Variants in ANAPC1 observed in about 807,000 individuals in gnomAD.
ANAPC1 encodes the protein anaphase-promoting complex subunit 1.
A neutral mutation model predicts 208.0 loss-of-function variants in ANAPC1; 36 were observed. The observed-to-expected ratio is 0.17, with a 90% CI of 0.13 to 0.23. The LOEUF is 0.23. Among genes scored for constraint, ANAPC1 ranks in the 10% least tolerant of loss-of-function variants. ANAPC1 has a pLI of 1.00. For synonymous variants in ANAPC1, 378 were observed against 695.2 expected (o/e 0.54, Z 7.18); for missense variants, 942 against 2,011.6 (o/e 0.47, Z 10.17).
chr2:111,865,379 ACAGTAC>A (rs550927895), intron 7 of ANAPC1, among the ~76,000 whole-genome samples: 127 of 152,258 alleles, frequency 8.3e-4, no homozygotes, highest in Admixed American at 3.6e-3. Flanking sequence ...ACAGTGCCGA[ACAGTAC>A]ACTGTTGTTT....
At position 111,807,703 on chromosome 2, in the gene ANAPC1, A is replaced by AAT. The variant is rs1553419291; in HGVS notation, c.3832+1243_3832+1244insAT. Among the ~76,000 whole-genome samples, 6 of 143,162 alleles carry AAT rather than the reference A, an allele frequency of 4.2e-5. No homozygotes were observed. The South Asian group carries it at 6.8e-4, about 16-fold the overall frequency. 93.9% of individuals were successfully genotyped at this position (143,162 alleles called of 152,430 possible). ...CAAGACTCTCTCAAAAAAAAAAAAA[A>AAT]TTTTTAATGTACATTCTGACAGTAA... On this transcript the variant is annotated intron_variant, in intron 29 of 47. Transcript: ENST00000341068.
At chr2:111,854,312 A>G (rs1328756360) in intron 13 of ANAPC1, among the ~76,000 whole-genome samples, 2 of 152,314 alleles carry the variant, frequency 1.3e-5, no homozygotes, top group East Asian at 3.9e-4. Context: ...TGCTATAAAC[A>G]GGTGTGCTGG....
chr2:111,837,349 C>G (rs1253798302), intron 18 of ANAPC1, among the ~76,000 whole-genome samples: 1 of 152,220 alleles, frequency 6.6e-6, no homozygotes, highest in Non-Finnish European at 1.5e-5. Context: ...GGGCCGGGCC[C>G]AGTGGCTCAT....
chr2:111,858,322 A>C lies in ANAPC1; in HGVS notation c.1342T>G (p.Ser448Ala). ...GQKFLCFLVE[S>A]QLQLRCVKFQ... ...TACACCTACCGTAACTGGAGCTGGG[A>C]CTCTACTAAAAAGCACAGGAACTTT... is the stretch of plus-strand genomic sequence containing the variant. The change falls in exon 11 of 48, where the codon TCC becomes GCC. Residue 448 changes from serine to alanine, a missense_variant. Physicochemically the swap from Ser to Ala is moderately conservative, Grantham distance 99. Coordinates refer to ENST00000341068, the MANE Select transcript of ANAPC1 (RefSeq NM_022662.4). The C allele has an allele frequency of 6.2e-7, 1 of 1,613,532 alleles. No individual in the cohort carries two copies. The highest frequency in any genetic ancestry group is 8.5e-7 in the Non-Finnish European group (1 of 1,179,628).
At position 111,871,212 on chromosome 2, in the gene ANAPC1, T is replaced by TA. The variant is rs913690522; in HGVS notation, c.611+1417dup. ...TTTAGAATTGTTTTTTCTAACTCTA[T>TA]AAAAAAAAAGATCTTATTTTGATGA... On this transcript the variant is annotated intron_variant, in intron 6 of 47. Transcript: ENST00000341068. 6.1e-3 allele frequency among the ~76,000 whole-genome samples: 918 copies of TA among 151,270 alleles called. 9 individuals are homozygous for TA. Among genetic ancestry groups the TA allele is most frequent in the African/African-American group, 0.021 (868 of 41,314 alleles).
Position 111,880,728 on chromosome 2 carries a change from T to C in ANAPC1, c.98A>G (p.Asn33Ser), listed in dbSNP as rs772955621. The change falls in exon 2 of 48, where the codon AAT becomes AGT. Residue 33 changes from asparagine (N) to serine (S), a missense_variant. Asn to Ser is a conservative substitution (Grantham distance 46). Coordinates refer to ENST00000341068, the MANE Select transcript of ANAPC1 (RefSeq NM_022662.4). ...CTGGCGAAGTTGAAGGTTCAAAGCA[T>C]TAGGGTGGTGCTTGCAGTGGTCTCG... ...FGRDHCKHHP[N>S]ALNLQLRQLQ... is the part of the protein sequence containing the mutation. 3.5e-5 allele frequency: 57 copies of C among 1,613,752 alleles called. No homozygotes were observed. Among genetic ancestry groups the C allele is most frequent in the Non-Finnish European group, 4.7e-5 (56 of 1,179,866 alleles).
intron 7 of ANAPC1, among the ~76,000 whole-genome samples, chr2:111,867,809 C>T (rs556639436): frequency 3.3e-5 from 5 of 151,922 alleles, no homozygotes; most frequent in East Asian, 1.9e-4. Context: ...ATAAATATAT[C>T]GGTATTCCTC....
intron 1 of ANAPC1, among the ~76,000 whole-genome samples, chr2:111,881,373 T>C (rs1240074419): frequency 1.3e-5 from 2 of 152,176 alleles, no homozygotes; most frequent in Non-Finnish European, 2.9e-5. Flanking sequence ...ACATAGGTTT[T>C]CAAATGTCTT....
At chr2:111,835,281 T>A (rs1014079720) in intron 18 of ANAPC1, among the ~76,000 whole-genome samples, 3 of 152,254 alleles carry the variant, frequency 2.0e-5, no homozygotes, top group African/African-American at 7.2e-5. Context: ...GCTGGTGTAT[T>A]CATCTTTCCA....
At position 111,834,811 on chromosome 2, in the gene ANAPC1, C is replaced by G; in HGVS notation, c.2177G>C (p.Arg726Thr). The G allele has an allele frequency of 6.2e-7, 1 of 1,611,768 alleles. No homozygotes were observed. Among genetic ancestry groups the G allele is most frequent in the Admixed American group, 1.7e-5 (1 of 59,852 alleles). The change falls in exon 19 of 48, where the codon AGA becomes ACA. Residue 726 changes from arginine (R) to threonine (T), a missense_variant. Coordinates refer to ENST00000341068, the MANE Select transcript of ANAPC1 (RefSeq NM_022662.4). ...TTCTGAAGGACTCAGACATAAAGAT[C>G]TGTTCAAAAGATGAGACTCAACATT... ...HQNVESHLLN[R>T]SLCLSPSEAS...
chr2:111,782,295 A>C, intron 43 of ANAPC1, 74 bp downstream of exon 43: 1 of 1,587,226 alleles, frequency 6.3e-7, no homozygotes, highest in Non-Finnish European at 8.6e-7. Context: ...CCACCTTTGA[A>C]GTTTATAGCA....
intron 17 of ANAPC1, 132 bp downstream of exon 17, chr2:111,843,280 C>T (rs1429752812): frequency 1.2e-6 from 1 of 831,756 alleles, no homozygotes. Context: ...TATATAGATA[C>T]AATAAACCTT....
chr2:111,839,601 T>C (rs1171044692), intron 17 of ANAPC1, among the ~76,000 whole-genome samples: 3 of 152,232 alleles, frequency 2.0e-5, no homozygotes, highest in Non-Finnish European at 2.9e-5. Flanking sequence ...AAACTGAATG[T>C]TATTGAGAGA....
rs951808717 is a variant in ANAPC1, at chr2:111,834,997, A to T, written c.2116-125T>A. The T allele has an allele frequency of 4.3e-4, 126 of 296,052 alleles. 1 individual carries two copies. The African/African-American group carries it at 4.3e-3, about 10-fold the overall frequency. 18.3% of individuals were successfully genotyped at this position (296,052 alleles called of 1,614,324 possible). A position where few individuals can be genotyped will look rare whatever the true frequency, so the allele number is the denominator to read the frequency against. On this transcript the variant is annotated intron_variant, in intron 18 of 47. Coordinates refer to ENST00000341068, the MANE Select transcript of ANAPC1 (RefSeq NM_022662.4). The stretch of plus-strand genomic sequence containing the variant: ...CATTAAGTTGATCTAAGAGTATGTT[A>T]AAAAAAAAAAAGACAATGCTAAGAA...
chr2:111,801,796 C>T (rs1236028116), intron 33 of ANAPC1, among the ~76,000 whole-genome samples: 2 of 147,834 alleles, frequency 1.4e-5, no homozygotes, highest in East Asian at 2.0e-4. Flanking sequence ...AGGGCTTGTG[C>T]GGGTACTTTT....
chr2:111,832,161 C>G (rs1165335149), intron 20 of ANAPC1, among the ~76,000 whole-genome samples: 3 of 151,556 alleles, frequency 2.0e-5, no homozygotes, highest in Non-Finnish European at 4.4e-5. Flanking sequence ...GGCGTGGTGG[C>G]ACACACCTGT....
intron 39 of ANAPC1, among the ~76,000 whole-genome samples, chr2:111,786,117 G>A (rs4019089): frequency 1.3e-3 from 164 of 127,292 alleles, no homozygotes; most frequent in East Asian, 5.4e-3. Context: ...AATAGGCTGG[G>A]CACAGTGGCT....
intron 7 of ANAPC1, among the ~76,000 whole-genome samples, chr2:111,867,353 C>T (rs2104575116): frequency 6.6e-6 from 1 of 151,802 alleles, no homozygotes; most frequent in South Asian, 2.1e-4. Flanking sequence ...ATGCTGCAGG[C>T]CAGATTTAGC....
At position 111,862,453 on chromosome 2, in the gene ANAPC1, T is replaced by C. The variant is rs148916142; in HGVS notation, c.1198A>G (p.Thr400Ala). The C allele has an allele frequency of 1.3e-4, 206 of 1,611,060 alleles. No individual in the cohort carries two copies. The highest frequency in any genetic ancestry group is 1.5e-4 in the Non-Finnish European group (174 of 1,179,320). Residue 400 changes from threonine to alanine, a missense_variant, in exon 10 of 48, where the codon ACG (threonine) becomes GCG (alanine). Coordinates refer to ENST00000341068, the MANE Select transcript of ANAPC1 (RefSeq NM_022662.4). ...NSNGSFLAPE[T>A]EPIVPELCID... Reference sequence around the variant, plus strand: ...CACAGTTCAGGAACAATTGGCTCCGTTTCTGGTGCAAGAAAGGAGCCATTA... The same window carrying C: ...CACAGTTCAGGAACAATTGGCTCCGCTTCTGGTGCAAGAAAGGAGCCATTA...
Sources: gnomAD v4.1 joint callset for allele counts (sites outside exome capture counted in the v4.1 genomes callset) on GRCh38, gnomAD v4.1.1 for gene constraint, MANE v1.5 for transcripts, NCBI Gene and HGNC (gene_info 2026-07-23, HGNC 2026-07-21) for gene names.